BRAT1: variants seen among roughly 807,000 people sequenced by gnomAD.
BRAT1 encodes BRCA1 associated ATM activator 1, also known as integrator complex assembly factor BRAT1.
A neutral mutation model predicts 70.6 loss-of-function variants in BRAT1; 74 were observed. The ratio of observed to expected loss-of-function variants is 1.05; its 90% CI spans 0.87 to 1.27. The LOEUF is 1.27. Ranked by LOEUF, BRAT1 falls within the 50% of genes most tolerant of loss-of-function variation. The pLI is 0.00. For missense variants in BRAT1, 1,203 were observed against 1,098.2 expected (o/e 1.10, Z -1.35); for synonymous variants, 615 against 517.1 (o/e 1.19, Z -2.57).
Position 2,539,932 on chromosome 7 carries a change from G to A in BRAT1, c.1396-44C>T, listed in dbSNP as rs1419572375. 1.2e-5 allele frequency: 17 copies of A among 1,376,238 alleles called. No individual in the cohort carries two copies. In the Admixed American group the frequency reaches 2.2e-4, roughly 18 times the overall value. 85.3% of individuals were successfully genotyped at this position (1,376,238 alleles called of 1,614,324 possible). Reference sequence around the variant, plus strand: ...GCTGCAGGGCCACGGGAGACGGAGGGGCAGGCTGTCTGTCTGTCCCCCTCG... The same window carrying A: ...GCTGCAGGGCCACGGGAGACGGAGGAGCAGGCTGTCTGTCTGTCCCCCTCG... On this transcript the variant is annotated intron_variant, in intron 10 of 13. Transcript: ENST00000340611.
chr7:2,552,253 G>A (rs1780097259), intron 2 of BRAT1, among the ~76,000 whole-genome samples: 1 of 149,330 alleles, frequency 6.7e-6, no homozygotes, highest in Admixed American at 6.8e-5. Context: ...GAGTAGCTGG[G>A]ATTACAGGCA....
In BRAT1 at chr7:2,539,807, G is replaced by A. The variant is rs1215141176; in HGVS notation, c.1477C>T (p.Leu493Phe). The A allele has an allele frequency of 3.7e-6, 6 of 1,611,936 alleles. No individual in the cohort carries two copies. Among genetic ancestry groups the A allele is most frequent in the Non-Finnish European group, 4.2e-6 (5 of 1,179,174 alleles). ...TTACCTCTGAGGAACTGCGGGATGA[G>A]GGGGCCGAGATCAGAGCAGCCGGGG... ...KTPGCSDLGP[L>F]IPQFLRELFP... The change falls in exon 11 of 14, where the codon CTC (leucine) becomes TTC (phenylalanine). Residue 493 changes from leucine to phenylalanine, a missense_variant. Transcript: ENST00000340611.
intron 2 of BRAT1, among the ~76,000 whole-genome samples, chr7:2,550,563 AATC>A (rs1779936565): frequency 1.3e-5 from 2 of 151,994 alleles, no homozygotes; most frequent in Non-Finnish European, 1.5e-5. Flanking sequence ...CTCAAAGAAA[AATC>A]ATGAATCCAT....
rs781049787 is a variant in BRAT1, at chr7:2,538,030, C to G, written c.*39G>C. The G allele has an allele frequency of 6.6e-7, 1 of 1,513,850 alleles. No homozygotes were observed. Among genetic ancestry groups the G allele is most frequent in the Non-Finnish European group, 8.9e-7 (1 of 1,129,714 alleles). The allele number at this position is 1,513,850 out of a possible 1,614,324, so 93.8% of individuals were successfully genotyped here. A position where few individuals can be genotyped will look rare whatever the true frequency, so the allele number is the denominator to read the frequency against. ...CCCACAGAAGGACATGGTGCTGCCT[C>G]CCTTGGTCCTGAGCCCCAGTGGCAG... On this transcript the variant is annotated 3_prime_UTR_variant, in exon 14 of 14. Transcript: ENST00000340611.
At position 2,539,655 on chromosome 7, in the gene BRAT1, G is replaced by T. The variant is rs1280012449; in HGVS notation, c.1499-13C>A. The T allele has an allele frequency of 1.3e-5, 20 of 1,583,368 alleles. 1 individual carries two copies. In the East Asian group the frequency reaches 4.6e-4, roughly 37 times the overall value. ...ACAGGGAACAGCTCTAGGGTGGGAA[G>T]GGACAGGTCAGGGTGACCTTGGGGC... On this transcript the variant is annotated splice_polypyrimidine_tract_variant and intron_variant, in intron 11 of 13. Coordinates refer to ENST00000340611, the MANE Select transcript of BRAT1 (RefSeq NM_152743.4).
chr7:2,541,710 G>T lies in BRAT1; in HGVS notation c.1134+8C>A. 1 of 1,602,894 alleles carries T rather than the reference G, an allele frequency of 6.2e-7. No individual in the cohort carries two copies. ...TGCTGGGCTGCATGAGGACCGGGCCGCACCTACCAGCGGCTGCAGCTCCTC... is the reference window on the plus strand; with the variant it reads ...TGCTGGGCTGCATGAGGACCGGGCCTCACCTACCAGCGGCTGCAGCTCCTC... On this transcript the variant is annotated splice_region_variant and intron_variant, in intron 8 of 13. Coordinates refer to ENST00000340611, the MANE Select transcript of BRAT1 (RefSeq NM_152743.4).
In BRAT1 at chr7:2,545,048, C is replaced by T; in HGVS notation, c.291G>A (p.Glu97=). ...ENCFQYLQQG[E]LLPGLFGEPG... ...GCTCCCCAAAGAGCCCTGGTAGTAA[C>T]TCCCCCTGCTGGGAAGCAAAAAAAG... Residue 97 remains glutamate (E), a synonymous_variant, in exon 4 of 14, where the codon GAG becomes GAA. Coordinates refer to ENST00000340611, the MANE Select transcript of BRAT1 (RefSeq NM_152743.4). 4.7e-6 allele frequency: 7 copies of T among 1,498,472 alleles called. No homozygotes were observed. Among genetic ancestry groups the T allele is most frequent in the Non-Finnish European group, 6.2e-6 (7 of 1,122,296 alleles). 92.8% of individuals were successfully genotyped at this position (1,498,472 alleles called of 1,614,324 possible).
chr7:2,552,092 ATATATATATATATATTTTTTTTTT>A (rs1780057937), intron 2 of BRAT1, among the ~76,000 whole-genome samples: 1 of 17,788 alleles, frequency 5.6e-5, no homozygotes, highest in Non-Finnish European at 9.6e-5. Flanking sequence ...ATATATATAT[ATATATATATATATATTTTTTTTTT>A]TTTTTTTTTT....
intron 2 of BRAT1, among the ~76,000 whole-genome samples, chr7:2,550,504 G>A (rs1204952932): frequency 8.3e-3 from 519 of 62,236 alleles, no homozygotes; most frequent in Middle Eastern, 0.018. Context: ...AGAAAGAAAA[G>A]AAAAAGAAAA....
At chr7:2,554,930 G>T (rs567402159) in intron 1 of BRAT1, among the ~76,000 whole-genome samples, 3 of 152,162 alleles carry the variant, frequency 2.0e-5, no homozygotes, top group Non-Finnish European at 2.9e-5. Flanking sequence ...AGCCAGCAGG[G>T]GGGTGCGGAG....
At chr7:2,553,543 A>G (rs971867409) in intron 2 of BRAT1, among the ~76,000 whole-genome samples, 4 of 152,226 alleles carry the variant, frequency 2.6e-5, no homozygotes, top group Admixed American at 1.3e-4. Flanking sequence ...CCCCAGAAAA[A>G]TACAGCTTTA....
At chr7:2,551,116 T>C (rs542497287) in intron 2 of BRAT1, among the ~76,000 whole-genome samples, 326 of 152,130 alleles carry the variant, frequency 2.1e-3, no homozygotes, top group Admixed American at 4.1e-3. Flanking sequence ...GGCATGCACC[T>C]TTAATCGCAG....
At chr7:2,547,221 TG>T in intron 3 of BRAT1, 102 bp downstream of exon 3, 3 of 1,455,144 alleles carry the variant, frequency 2.1e-6, no homozygotes, top group Non-Finnish European at 2.8e-6. Context: ...GGCAGGCCGC[TG>T]GGACTTGGGA....
intron 2 of BRAT1, 79 bp from the exon 3 acceptor site, chr7:2,547,557 A>C (rs972437386): frequency 3.5e-5 from 53 of 1,494,318 alleles, no homozygotes; most frequent in Non-Finnish European, 4.4e-5. Flanking sequence ...TTCTCCTAGC[A>C]ATTCCCAGAC....
Position 2,543,936 on chromosome 7 carries a change from G to T in BRAT1, c.457C>A (p.Gln153Lys), listed in dbSNP as rs1359088166. ...GCCACAAACAGGCTGGAGTCTCCCTGCAGGGAGAAGATGGTGTCGACCGCA... is the reference window on the plus strand; with the variant it reads ...GCCACAAACAGGCTGGAGTCTCCCTTCAGGGAGAAGATGGTGTCGACCGCA... Reference protein sequence around the residue: ...HGAVDTIFSLQGDSSLFVASA... With the variant: ...HGAVDTIFSLKGDSSLFVASA... The change falls in exon 5 of 14, where the codon CAG (glutamine) becomes AAG (lysine). Residue 153 changes from glutamine (Q) to lysine (K), a missense_variant. Physicochemically the swap from Gln to Lys is moderately conservative, Grantham distance 53. Transcript: ENST00000340611. The surrounding 1 kb of genome is among the most constrained non-coding windows in gnomAD (Gnocchi z 5.5). 6.3e-7 allele frequency: 1 copy of T among 1,593,102 alleles called. No homozygotes were observed.
intron 3 of BRAT1, among the ~76,000 whole-genome samples, chr7:2,546,157 C>G (rs1779592951): frequency 6.6e-6 from 1 of 152,214 alleles, no homozygotes; most frequent in Non-Finnish European, 1.5e-5. Flanking sequence ...TGTAGAAATT[C>G]TTGGCTGGGA....
intron 4 of BRAT1, among the ~76,000 whole-genome samples, chr7:2,544,563 C>T (rs1480223038): frequency 1.3e-5 from 2 of 152,054 alleles, no homozygotes; most frequent in Non-Finnish European, 2.9e-5. Flanking sequence ...TGCAGTGGCT[C>T]AACCACTGCT....
chr7:2,546,265 AC>A lies in BRAT1; in HGVS notation c.282+1058del, dbSNP rs555392103. ...AGACCAGCCTGGGCAACATAGTGAG[AC>A]CCCATCTCTACCAAAGATAACAAAG... On this transcript the variant is annotated intron_variant, in intron 3 of 13. Transcript: ENST00000340611. Among the ~76,000 whole-genome samples, 397 of 151,966 alleles carry A rather than the reference AC, an allele frequency of 2.6e-3. 2 individuals are homozygous for A. The highest frequency in any genetic ancestry group is 9.1e-3 in the African/African-American group (377 of 41,432).
At chr7:2,550,498 AGAAAAG>A (rs1779929728) in intron 2 of BRAT1, among the ~76,000 whole-genome samples, 1 of 148,530 alleles carries the variant, frequency 6.7e-6, no homozygotes, top group Non-Finnish European at 1.5e-5. Flanking sequence ...AAAAAAAGAA[AGAAAAG>A]AAAAAGAAAA....
Sources: gnomAD v4.1 joint callset for allele counts (sites outside exome capture counted in the v4.1 genomes callset) on GRCh38, gnomAD v4.1.1 for gene constraint, Gnocchi (gnomAD v3.1) non-coding constraint, MANE v1.5 for transcripts, NCBI Gene and HGNC (gene_info 2026-07-23, HGNC 2026-07-21) for gene names.